Variants in NKAIN3 observed in about 807,000 individuals in gnomAD.
NKAIN3 encodes the protein sodium/potassium transporting ATPase interacting 3.
A neutral mutation model predicts 30.2 loss-of-function variants in NKAIN3; 25 were observed. That is an observed-to-expected ratio of 0.83 (90% CI 0.60 to 1.16). The LOEUF (loss-of-function observed/expected upper bound fraction) is 1.16, where lower values mean the gene tolerates loss of function less well. NKAIN3 is among the 50% of genes most tolerant of loss of function. NKAIN3 has a pLI of 0.00. For missense variants in NKAIN3, 225 were observed against 254.1 expected (o/e 0.89, Z 0.78); for synonymous variants, 91 against 89.6 (o/e 1.02, Z -0.09).
intron 1 of NKAIN3, among the ~76,000 whole-genome samples, chr8:62,440,348 G>C (rs2129598159): frequency 6.6e-6 from 1 of 152,296 alleles, no homozygotes; most frequent in East Asian, 1.9e-4. Flanking sequence ...AGCTGGTCAA[G>C]ATTCAGACAA....
intron 3 of NKAIN3, among the ~76,000 whole-genome samples, chr8:62,732,195 C>A (rs568445699): frequency 6.6e-6 from 1 of 152,110 alleles, no homozygotes; most frequent in East Asian, 1.9e-4. Flanking sequence ...TATCTGCCCC[C>A]AATAGATGTC....
At chr8:62,682,635 G>T (rs900604433) in intron 3 of NKAIN3, among the ~76,000 whole-genome samples, 1 of 152,164 alleles carries the variant, frequency 6.6e-6, no homozygotes, top group African/African-American at 2.4e-5. Context: ...TGAGGTGGAG[G>T]GTGGGGAGTG....
At chr8:62,663,184 G>T (rs1004047181) in intron 3 of NKAIN3, among the ~76,000 whole-genome samples, 5 of 152,200 alleles carry the variant, frequency 3.3e-5, no homozygotes, top group African/African-American at 1.2e-4. Flanking sequence ...AGTTGAAAAT[G>T]TCAGATATGA....
At chr8:62,885,962 A>T (rs1418372014) in intron 4 of NKAIN3, among the ~76,000 whole-genome samples, 1 of 152,154 alleles carries the variant, frequency 6.6e-6, no homozygotes, top group Non-Finnish European at 1.5e-5. Context: ...TAATTGGTAT[A>T]CTTAGATCAT....
chr8:62,871,776 G>A (rs1415724114), intron 4 of NKAIN3, among the ~76,000 whole-genome samples: 1 of 152,178 alleles, frequency 6.6e-6, no homozygotes, highest in East Asian at 1.9e-4. Context: ...CAGTAAAATT[G>A]CCATTTTCAC....
intron 1 of NKAIN3, among the ~76,000 whole-genome samples, chr8:62,279,783 A>G (rs1813108351): frequency 6.6e-6 from 1 of 152,130 alleles, no homozygotes; most frequent in African/African-American, 2.4e-5. Context: ...GTAGCCTTGT[A>G]GTATAGTTTG....
At chr8:62,339,734 C>A (rs1216879408) in intron 1 of NKAIN3, among the ~76,000 whole-genome samples, 1 of 151,866 alleles carries the variant, frequency 6.6e-6, no homozygotes, top group Non-Finnish European at 1.5e-5. Context: ...CAGAAATCAC[C>A]ATGTGTTTAT....
chr8:62,477,541 C>T (rs1806560757), intron 1 of NKAIN3, among the ~76,000 whole-genome samples: 1 of 152,066 alleles, frequency 6.6e-6, no homozygotes, highest in Admixed American at 6.5e-5. Flanking sequence ...TTGCTTATGG[C>T]CATTCCTTTT....
intron 2 of NKAIN3, among the ~76,000 whole-genome samples, chr8:62,589,021 G>A (rs926668817): frequency 2.0e-5 from 3 of 151,688 alleles, no homozygotes; most frequent in African/African-American, 7.3e-5. Context: ...TCTGGGAGAA[G>A]GTATTTCCTA....
At chr8:62,479,860 C>T (rs1438514593) in intron 1 of NKAIN3, among the ~76,000 whole-genome samples, 3 of 152,120 alleles carry the variant, frequency 2.0e-5, no homozygotes, top group Admixed American at 6.5e-5. Context: ...GATATTTCTG[C>T]TCCCCGCCTT....
In NKAIN3 at chr8:62,731,234, GACACACACACACAC is replaced by G. The variant is rs67571816; in HGVS notation, c.274-15671_274-15658del. ...CCATTTCAGTGGACAGGGATCACAG[GACACACACACACAC>G]ACACACACACACACACACACACACA... On this transcript the variant is annotated intron_variant, in intron 3 of 6. Transcript: ENST00000623646. Among the ~76,000 whole-genome samples, 773 of 143,750 alleles carry G rather than the reference GACACACACACACAC, an allele frequency of 5.4e-3. 4 individuals are homozygous for G. Among genetic ancestry groups the G allele is most frequent in the African/African-American group, 0.018 (717 of 38,778 alleles). The allele number at this position is 143,750 out of a possible 152,430, so 94.3% of individuals were successfully genotyped here. A position where few individuals can be genotyped will look rare whatever the true frequency, so the allele number is the denominator to read the frequency against.
intron 1 of NKAIN3, among the ~76,000 whole-genome samples, chr8:62,475,544 A>G (rs1806491217): frequency 6.6e-6 from 1 of 152,186 alleles, no homozygotes; most frequent in Admixed American, 6.5e-5. Context: ...ACGGAGTTTT[A>G]CAGCCATCAC....
intron 1 of NKAIN3, among the ~76,000 whole-genome samples, chr8:62,530,963 T>C (rs749684755): frequency 2.0e-4 from 31 of 152,178 alleles, no homozygotes; most frequent in Non-Finnish European, 4.0e-4. Flanking sequence ...GGTTTTCAGA[T>C]TTTGCTTCAA....
intron 4 of NKAIN3, chr8:62,864,204 G>T: frequency 1.5e-6 from 1 of 672,864 alleles, no homozygotes; most frequent in East Asian, 2.7e-5. Context: ...GGCGGATGGC[G>T]AATACTGCGC....
intron 4 of NKAIN3, among the ~76,000 whole-genome samples, chr8:62,804,198 G>A (rs1309711794): frequency 6.6e-6 from 1 of 152,298 alleles, no homozygotes; most frequent in East Asian, 1.9e-4. Flanking sequence ...GGAGGAACTG[G>A]TACCATTCTG....
At chr8:62,292,760 C>T (rs762711082) in intron 1 of NKAIN3, among the ~76,000 whole-genome samples, 3 of 152,118 alleles carry the variant, frequency 2.0e-5, no homozygotes, top group Non-Finnish European at 4.4e-5. Context: ...CTCTGTATTT[C>T]CTGAATTTGA....
At chr8:62,864,567 T>G (rs1820362218) in intron 4 of NKAIN3, among the ~76,000 whole-genome samples, 1 of 152,106 alleles carries the variant, frequency 6.6e-6, no homozygotes, top group Admixed American at 6.5e-5. Context: ...AATTGCCAAA[T>G]GTATGGCATA....
At chr8:62,724,322 G>A (rs895019738) in intron 3 of NKAIN3, among the ~76,000 whole-genome samples, 2 of 152,002 alleles carry the variant, frequency 1.3e-5, no homozygotes, top group African/African-American at 4.8e-5. Context: ...GGCATACAAT[G>A]TACAATACTT....
intron 4 of NKAIN3, among the ~76,000 whole-genome samples, chr8:62,874,584 T>A (rs186621376): frequency 6.6e-6 from 1 of 152,258 alleles, no homozygotes; most frequent in East Asian, 1.9e-4. Context: ...ACTGGCAAAC[T>A]GAATCCAGCA....
Sources: gnomAD v4.1 joint callset for allele counts (sites outside exome capture counted in the v4.1 genomes callset) on GRCh38, gnomAD v4.1.1 for gene constraint, MANE v1.5 for transcripts, NCBI Gene and HGNC (gene_info 2026-07-23, HGNC 2026-07-21) for gene names.